PTGER4: variants seen among roughly 807,000 people sequenced by gnomAD.
PTGER4 encodes prostaglandin E2 receptor EP4 subtype.
In PTGER4, 11 loss-of-function variants were observed where a neutral mutation model predicts 33.2. That is an observed-to-expected ratio of 0.33 (90% CI 0.21 to 0.55). The LOEUF is 0.55. Ranked by LOEUF, PTGER4 falls within the 20% of genes least tolerant of loss-of-function variation. The pLI, the probability that PTGER4 is intolerant of heterozygous loss-of-function variation, is 0.92. For missense variants in PTGER4, 481 were observed against 650.2 expected (o/e 0.74, Z 2.83); for synonymous variants, 275 against 281.5 (o/e 0.98, Z 0.23).
At chr5:40,690,037 A>G (rs893997325) in intron 2 of PTGER4, among the ~76,000 whole-genome samples, 1 of 152,166 alleles carries the variant, frequency 6.6e-6, no homozygotes, top group Non-Finnish European at 1.5e-5. Context: ...AAAAATCATA[A>G]TACTTTAAGA....
the PTGER4 span, among the ~76,000 whole-genome samples, chr5:40,713,777 ATATCAT>A: frequency 6.6e-6 from 1 of 152,206 alleles, no homozygotes; most frequent in Non-Finnish European, 1.5e-5. Flanking sequence ...TTAAACATCT[ATATCAT>A]TATCATGAAC....
chr5:40,728,054 G>A, the PTGER4 span, among the ~76,000 whole-genome samples: 2 of 152,084 alleles, frequency 1.3e-5, no homozygotes, highest in African/African-American at 4.8e-5. Context: ...GGCCGAGGCT[G>A]GAGAATCATT....
chr5:40,689,985 A>G (rs1324323074), intron 2 of PTGER4, among the ~76,000 whole-genome samples: 1 of 152,172 alleles, frequency 6.6e-6, no homozygotes, highest in Non-Finnish European at 1.5e-5. Flanking sequence ...AGATTTTTAT[A>G]TAAATGATCC....
intron 2 of PTGER4, among the ~76,000 whole-genome samples, chr5:40,687,207 G>A (rs1447918133): frequency 2.0e-5 from 3 of 152,088 alleles, no homozygotes; most frequent in Non-Finnish European, 4.4e-5. Context: ...CACCACGCCC[G>A]GCTAATTTTG....
the PTGER4 span, among the ~76,000 whole-genome samples, chr5:40,717,004 G>A: frequency 3.3e-5 from 5 of 151,988 alleles, no homozygotes; most frequent in African/African-American, 1.2e-4. Context: ...TGAGGTGGGC[G>A]GATCACCTGA....
the PTGER4 span, among the ~76,000 whole-genome samples, chr5:40,731,319 C>T: frequency 1.3e-5 from 2 of 152,130 alleles, no homozygotes; most frequent in African/African-American, 4.8e-5. Context: ...TTTTTATAGT[C>T]CCTACCCACA....
the PTGER4 span, among the ~76,000 whole-genome samples, chr5:40,719,351 G>C: frequency 6.6e-6 from 1 of 152,080 alleles, no homozygotes; most frequent in Non-Finnish European, 1.5e-5. Flanking sequence ...TTAACATATT[G>C]TTTTTAAAGT....
At chr5:40,706,958 C>A in the PTGER4 span, among the ~76,000 whole-genome samples, 5 of 152,088 alleles carry the variant, frequency 3.3e-5, no homozygotes, top group Non-Finnish European at 1.5e-5. Context: ...GAAATAAAAT[C>A]CTTTCCAGAC....
rs1741504440 is a variant in PTGER4, at chr5:40,692,642, T to A, written c.*264T>A. On this transcript the variant is annotated 3_prime_UTR_variant, in exon 3 of 3. Coordinates refer to ENST00000302472, the MANE Select transcript of PTGER4 (RefSeq NM_000958.3). Reference sequence around the variant, plus strand: ...TGGCTGCGAAGACCTACCCTCCGTTTTTCTACTAGATAGGAGGATGGTAGA... The same window carrying A: ...TGGCTGCGAAGACCTACCCTCCGTTATTCTACTAGATAGGAGGATGGTAGA... 8.5e-7 allele frequency: 1 copy of A among 1,181,484 alleles called. No homozygotes were observed. Among genetic ancestry groups the A allele is most frequent in the Non-Finnish European group, 1.1e-6 (1 of 952,000 alleles). The allele number at this position is 1,181,484 out of a possible 1,614,324, so 73.2% of individuals were successfully genotyped here.
chr5:40,738,529 C>A, the PTGER4 span, among the ~76,000 whole-genome samples: 1,256 of 81,406 alleles, frequency 0.015, 32 homozygotes, highest in African/African-American at 0.044. Flanking sequence ...AAATAAAATA[C>A]AATAAAATAC....
At chr5:40,697,266 G>GAAAGAAAGAA (rs1561134505), downstream of PTGER4, among the ~76,000 whole-genome samples, 12 of 108,160 alleles carry the variant, frequency 1.1e-4, no homozygotes, top group African/African-American at 2.8e-4. Flanking sequence ...AAGAAAGAAA[G>GAAAGAAAGAA]AAAGAAAGAA....
At chr5:40,727,962 C>A in the PTGER4 span, among the ~76,000 whole-genome samples, 1 of 151,986 alleles carries the variant, frequency 6.6e-6, no homozygotes, top group Admixed American at 6.6e-5. Flanking sequence ...AACGGCTATT[C>A]ACTTTTGGGT....
chr5:40,685,167 G>C (rs1461942975), intron 2 of PTGER4, among the ~76,000 whole-genome samples: 1 of 152,088 alleles, frequency 6.6e-6, no homozygotes, highest in Non-Finnish European at 1.5e-5. Context: ...TAACTCTGAA[G>C]TAACAAATAC....
chr5:40,734,308 T>C, the PTGER4 span, among the ~76,000 whole-genome samples: 3 of 98,550 alleles, frequency 3.0e-5, no homozygotes, highest in African/African-American at 8.1e-5. Flanking sequence ...TTAATTCAAC[T>C]TCAGTTTGGA....
At chr5:40,721,751 T>C in the PTGER4 span, among the ~76,000 whole-genome samples, 1 of 151,952 alleles carries the variant, frequency 6.6e-6, no homozygotes, top group Non-Finnish European at 1.5e-5. Flanking sequence ...AATGATTTCC[T>C]GAATATAACA....
chr5:40,702,198 A>G, the PTGER4 span, among the ~76,000 whole-genome samples: 163 of 152,332 alleles, frequency 1.1e-3, 1 homozygote, highest in East Asian at 0.026. Context: ...GAATGTAAAC[A>G]GGCCAAATGT....
At chr5:40,710,805 T>C in the PTGER4 span, among the ~76,000 whole-genome samples, 1 of 152,142 alleles carries the variant, frequency 6.6e-6, no homozygotes, top group Non-Finnish European at 1.5e-5. Flanking sequence ...GAAACCATCA[T>C]TCTCAGCAAA....
intron 2 of PTGER4, among the ~76,000 whole-genome samples, chr5:40,688,886 G>A (rs1388089916): frequency 6.6e-6 from 1 of 152,166 alleles, no homozygotes; most frequent in Non-Finnish European, 1.5e-5. Context: ...TGATTTAGCT[G>A]TCTTCCATAT....
the PTGER4 span, among the ~76,000 whole-genome samples, chr5:40,745,370 G>A: frequency 6.6e-6 from 1 of 152,060 alleles, no homozygotes; most frequent in African/African-American, 2.4e-5. Context: ...CATAATGTCT[G>A]AAACTTACTT....
Sources: allele counts gnomAD v4.1 joint callset (sites outside exome capture counted in the v4.1 genomes callset), GRCh38; gene constraint gnomAD v4.1.1; transcripts MANE v1.5; gene names NCBI Gene and HGNC (gene_info 2026-07-23, HGNC 2026-07-21).